Variants in PFDN6 observed in about 807,000 individuals in gnomAD.
PFDN6 encodes HLA class II region expressed gene KE2.
PFDN6 carries 5 observed loss-of-function variants against 19.3 expected under a neutral mutation model. That is an observed-to-expected ratio of 0.26 (90% CI 0.14 to 0.55). The LOEUF is 0.55. Among genes scored for constraint, PFDN6 ranks in the 20% least tolerant of loss-of-function variants. The pLI, the probability that PFDN6 is intolerant of heterozygous loss-of-function variation, is 0.94. For synonymous variants in PFDN6, 51 were observed against 63.4 expected (o/e 0.80, Z 0.93); for missense variants, 101 against 149.4 (o/e 0.68, Z 1.69).
Position 33,290,504 on chromosome 6 carries a change from T to C in PFDN6, c.260+54T>C, listed in dbSNP as rs915929858. 1.2e-5 allele frequency: 19 copies of C among 1,524,844 alleles called. No individual in the cohort carries two copies. The African/African-American group carries it at 2.4e-4, about 19-fold the overall frequency. The allele number at this position is 1,524,844 out of a possible 1,614,324, so 94.5% of individuals were successfully genotyped here. On this transcript the variant is annotated intron_variant, in intron 3 of 3. Transcript: ENST00000374606. ...GCACCCTGTGATGCAAGTGAACCAT[T>C]GGAGTAGAGGTGTTGAACCATTGCA...
chr6:33,289,564 A>C, upstream of PFDN6: 4 of 778,304 alleles, frequency 5.1e-6, no homozygotes, highest in Non-Finnish European at 7.1e-6. Flanking sequence ...CTTCCGGCAC[A>C]GTCTTTTCCC....
upstream of PFDN6, chr6:33,289,600 T>C (rs746759807): frequency 2.0e-5 from 13 of 640,304 alleles, no homozygotes; most frequent in Non-Finnish European, 3.0e-5. Context: ...CTTCCGGGTT[T>C]ATTACTACTG....
At position 33,289,719 on chromosome 6, in the gene PFDN6, GGT is replaced by G; in HGVS notation, c.-137_-136del. On this transcript the variant is annotated 5_prime_UTR_variant, in exon 1 of 4. Transcript: ENST00000374606. Reference sequence around the variant, plus strand: ...GAGTCGATATCCGGGACGGGGGGGAGGTTGCGGTGCCCCTCAGGGCTACCTCT... The same window carrying G: ...GAGTCGATATCCGGGACGGGGGGGAGTGCGGTGCCCCTCAGGGCTACCTCT... 7.6e-6 allele frequency: 5 copies of G among 654,852 alleles called. No homozygotes were observed. The South Asian group carries it at 1.5e-4, about 19-fold the overall frequency. The allele number at this position is 654,852 out of a possible 1,614,324, so 40.6% of individuals were successfully genotyped here.
intron 1 of PFDN6, 80 bp downstream of exon 1, chr6:33,290,000 A>C: frequency 7.1e-7 from 1 of 1,403,002 alleles, no homozygotes; most frequent in South Asian, 1.3e-5. Context: ...TTGTTGCCCC[A>C]TCTGGGCCCT....
At position 33,289,718 on chromosome 6, in the gene PFDN6, A is replaced by C; in HGVS notation, c.-139A>C. ...GGAGTCGATATCCGGGACGGGGGGG[A>C]GGTTGCGGTGCCCCTCAGGGCTACC... is the stretch of plus-strand genomic sequence containing the variant. On this transcript the variant is annotated 5_prime_UTR_variant, in exon 1 of 4. Transcript: ENST00000374606. 1.6e-6 allele frequency: 1 copy of C among 618,740 alleles called. No individual in the cohort carries two copies. The highest frequency in any genetic ancestry group is 2.6e-6 in the Non-Finnish European group (1 of 381,806). 38.3% of individuals were successfully genotyped at this position (618,740 alleles called of 1,614,324 possible).
rs766270366 is a variant in PFDN6 at position 33,290,855 on chromosome 6, G to A, written c.*10G>A. ...TCCTGGCAAGGCCTGACCCCATGGTGGGGGGAGGGGAGGGGAGGGGAGGGA... is the reference window on the plus strand; with the variant it reads ...TCCTGGCAAGGCCTGACCCCATGGTAGGGGGAGGGGAGGGGAGGGGAGGGA... On this transcript the variant is annotated 3_prime_UTR_variant, in exon 4 of 4. Coordinates refer to ENST00000374606, the MANE Select transcript of PFDN6 (RefSeq NM_001185181.3). The A allele has an allele frequency of 1.3e-6, 2 of 1,592,190 alleles. No homozygotes were observed. Among genetic ancestry groups the A allele is most frequent in the African/African-American group, 2.7e-5 (2 of 74,648 alleles).
At chr6:33,289,513 A>C, upstream of PFDN6, 1 of 1,102,752 alleles carries the variant, frequency 9.1e-7, no homozygotes, top group Non-Finnish European at 1.2e-6. Flanking sequence ...CACTCCCTAA[A>C]CATGTCAGAA....
In PFDN6 at chr6:33,290,785, G is replaced by A. The variant is rs1313379836; in HGVS notation, c.330G>A (p.Gln110=). The A allele has an allele frequency of 1.9e-6, 3 of 1,608,606 alleles. No individual in the cohort carries two copies. The highest frequency in any genetic ancestry group is 2.7e-5 in the African/African-American group (2 of 74,916). The change falls in exon 4 of 4, where the codon CAG becomes CAA. Residue 110 remains glutamine, a synonymous_variant. Transcript: ENST00000374606. ...QSEQQRETLA[Q]LQQEFQRAQA... ...AGCAACAGAGGGAGACCCTTGCTCAGCTGCAGCAGGAGTTCCAGCGGGCCC... is the reference window on the plus strand; with the variant it reads ...AGCAACAGAGGGAGACCCTTGCTCAACTGCAGCAGGAGTTCCAGCGGGCCC...
At position 33,289,797 on chromosome 6, in the gene PFDN6, C is replaced by A. The variant is rs544538993; in HGVS notation, c.-60C>A. The A allele has an allele frequency of 1.3e-4, 181 of 1,365,758 alleles. 1 individual carries two copies. Among genetic ancestry groups the A allele is most frequent in the South Asian group, 7.5e-4 (54 of 72,118 alleles). 84.6% of individuals were successfully genotyped at this position (1,365,758 alleles called of 1,614,324 possible). On this transcript the variant is annotated 5_prime_UTR_variant, in exon 1 of 4. Coordinates refer to ENST00000374606, the MANE Select transcript of PFDN6 (RefSeq NM_001185181.3). The stretch of plus-strand genomic sequence containing the variant: ...CAGATCAGAAAAGGGAGCTCAGGTA[C>A]CTTCCAGAGAGTGAGACCCAGCGCC...
intron 1 of PFDN6, 103 bp downstream of exon 1, chr6:33,290,023 C>G: frequency 7.7e-7 from 1 of 1,297,340 alleles, no homozygotes; most frequent in South Asian, 1.3e-5. Flanking sequence ...CGTGCAGAGA[C>G]TTCCCCGCCT....
intron 3 of PFDN6, 67 bp downstream of exon 3, chr6:33,290,517 T>C: frequency 2.6e-6 from 4 of 1,520,202 alleles, no homozygotes; most frequent in Non-Finnish European, 3.5e-6. Flanking sequence ...AGTAGAGGTG[T>C]TGAACCATTG....
upstream of PFDN6, chr6:33,289,585 G>C: frequency 1.4e-6 from 1 of 690,840 alleles, no homozygotes; most frequent in East Asian, 3.3e-5. Context: ...AGCATTCCTT[G>C]TTTACTTCCG....
chr6:33,289,496 A>G (rs1409653299), upstream of PFDN6: 12 of 1,216,214 alleles, frequency 9.9e-6, no homozygotes, highest in Non-Finnish European at 1.3e-5. Flanking sequence ...TCTTTTTAGC[A>G]GAACTCCACT....
chr6:33,290,283 A>ACTAG, intron 2 of PFDN6, 39 bp downstream of exon 2: 1 of 1,614,046 alleles, frequency 6.2e-7, no homozygotes, highest in East Asian at 2.2e-5. Flanking sequence ...AGGGACCTGT[A>ACTAG]CTAGCCATGG....
chr6:33,289,363 G>A, upstream of PFDN6: 1 of 1,338,318 alleles, frequency 7.5e-7, no homozygotes, highest in East Asian at 2.8e-5. Context: ...CTTATCGCGA[G>A]CGGCAGCTTA....
Position 33,290,455 on chromosome 6 carries a change from GTT to G in PFDN6, c.260+9_260+10del. On this transcript the variant is annotated splice_donor_region_variant and intron_variant, in intron 3 of 3. Transcript: ENST00000374606. The stretch of plus-strand genomic sequence containing the variant: ...GGACTATATCACAGCTGAAATGTGA[GTT>G]TTTATTCCACCACCGTGTGCTGCAC... The G allele has an allele frequency of 6.5e-7, 1 of 1,543,236 alleles. No homozygotes were observed. Among genetic ancestry groups the G allele is most frequent in the Non-Finnish European group, 8.7e-7 (1 of 1,145,780 alleles).
rs1338573210 is a variant in PFDN6, at chr6:33,289,662, C to T, written c.-195C>T. ...TTCGGTTGAGAGGCTTGGGGTCTTG[C>T]GTTTCGCCCACCATCTCCTGGGGAC... is the stretch of plus-strand genomic sequence containing the variant. On this transcript the variant is annotated 5_prime_UTR_variant, in exon 1 of 4. Transcript: ENST00000374606. 1.1e-5 allele frequency: 6 copies of T among 550,044 alleles called. No individual in the cohort carries two copies. The highest frequency in any genetic ancestry group is 1.8e-5 in the Non-Finnish European group (6 of 338,066). 34.1% of individuals were successfully genotyped at this position (550,044 alleles called of 1,614,324 possible).
rs1767118414 is a variant in PFDN6, at chr6:33,289,708, G to C, written c.-149G>C. 2 of 621,878 alleles carry C rather than the reference G, an allele frequency of 3.2e-6. No individual in the cohort carries two copies. Among genetic ancestry groups the C allele is most frequent in the African/African-American group, 1.9e-5 (1 of 53,350 alleles). The allele number at this position is 621,878 out of a possible 1,614,324, so 38.5% of individuals were successfully genotyped here. A position where few individuals can be genotyped will look rare whatever the true frequency, so the allele number is the denominator to read the frequency against. ...GGGACAGGGTGGAGTCGATATCCGG[G>C]ACGGGGGGGAGGTTGCGGTGCCCCT... On this transcript the variant is annotated 5_prime_UTR_variant, in exon 1 of 4. Coordinates refer to ENST00000374606, the MANE Select transcript of PFDN6 (RefSeq NM_001185181.3).
At position 33,290,845 on chromosome 6, in the gene PFDN6, A is replaced by G; in HGVS notation, c.390A>G (p.Ter130TrpextTer13). Reference protein sequence around the residue: ...AAKAGAPGKA* With the variant: ...AAKAGAPGKAW ...AGGCAGGGGCTCCTGGCAAGGCCTG[A>G]CCCCATGGTGGGGGGAGGGGAGGGG... The change falls in exon 4 of 4, where the codon TGA (stop) becomes TGG (tryptophan). Residue 130 changes from the stop codon to tryptophan, a stop_lost. Transcript: ENST00000374606. 1.9e-6 allele frequency: 3 copies of G among 1,541,422 alleles called. No homozygotes were observed. Among genetic ancestry groups the G allele is most frequent in the Non-Finnish European group, 2.6e-6 (3 of 1,137,914 alleles).
Sources: gnomAD v4.1 joint callset for allele counts on GRCh38, gnomAD v4.1.1 for gene constraint, MANE v1.5 for transcripts, NCBI Gene and HGNC (gene_info 2026-07-23, HGNC 2026-07-21) for gene names.